TRAK2: variants seen among roughly 807,000 people sequenced by gnomAD.
TRAK2 encodes the protein trafficking kinesin protein 2, also known as trafficking kinesin-binding protein 2.
Under a neutral mutation model 104.6 loss-of-function variants are expected in TRAK2, and 81 were observed. The observed-to-expected ratio is 0.77, with a 90% CI of 0.65 to 0.93. The LOEUF is 0.93. TRAK2 is among the 40% of genes least tolerant of loss of function. TRAK2 has a pLI of 0.00. For missense variants in TRAK2, 1,002 were observed against 1,089.0 expected (o/e 0.92, Z 1.12); for synonymous variants, 406 against 394.4 (o/e 1.03, Z -0.35).
chr2:201,433,599 T>C (rs996836789), intron 1 of TRAK2: 1 of 152,180 alleles, frequency 6.6e-6, no homozygotes, highest in Non-Finnish European at 1.5e-5. Context: ...CCCTGTTTGT[T>C]TATAATGAAT....
At chr2:201,430,513 C>T (rs752875758) in intron 1 of TRAK2, among the ~76,000 whole-genome samples, 1 of 152,212 alleles carries the variant, frequency 6.6e-6, no homozygotes, top group African/African-American at 2.4e-5. Flanking sequence ...TTTACCTACT[C>T]AAGCTTCAGC....
At chr2:201,428,826 T>C (rs971691317) in intron 1 of TRAK2, among the ~76,000 whole-genome samples, 2 of 152,258 alleles carry the variant, frequency 1.3e-5, no homozygotes, top group African/African-American at 2.4e-5. Context: ...CATTTGTTTG[T>C]GTCCTCTTTT....
rs759328338 is a variant in TRAK2, at chr2:201,401,035, T to C, written c.346A>G (p.Thr116Ala). Residue 116 changes from threonine to alanine, a missense_variant, in exon 4 of 16, where the codon ACA (threonine) becomes GCA (alanine). Transcript: ENST00000332624. ...ATTCCTACCTCTGCCAGGAGATGTG[T>C]AACCATGTCGATGTCATTGTAAGTT... ...TKTYNDIDMVTHLLAERDRDL... is the reference protein window; with the variant it reads ...TKTYNDIDMVAHLLAERDRDL... 6.8e-6 allele frequency: 11 copies of C among 1,611,498 alleles called. No homozygotes were observed. In the African/African-American group the frequency reaches 1.5e-4, roughly 22 times the overall value.
chr2:201,381,057 A>T lies in TRAK2; in HGVS notation c.2231T>A (p.Leu744His). The T allele has an allele frequency of 6.2e-7, 1 of 1,614,088 alleles. No homozygotes were observed. The highest frequency in any genetic ancestry group is 8.5e-7 in the Non-Finnish European group (1 of 1,179,992). Residue 744 changes from leucine (L) to histidine (H), a missense_variant, in exon 16 of 16, where the codon CTT becomes CAT. Leu to His is a moderately conservative substitution (Grantham distance 99). Transcript: ENST00000332624. ...TFSSTMSLAK[L>H]LQERGISAKV... ...GGCAGAGATGCCTCGCTCTTGTAGA[A>T]GTTTGGCCAAGCTCATGGTGCTACT...
chr2:201,412,310 G>A (rs988714081), intron 2 of TRAK2: 12 of 1,287,412 alleles, frequency 9.3e-6, no homozygotes, highest in Non-Finnish European at 1.4e-5. Context: ...AAATATTGCA[G>A]TGTTACTGCA....
chr2:201,392,394 T>G (rs1243071435), intron 10 of TRAK2, among the ~76,000 whole-genome samples: 1 of 152,184 alleles, frequency 6.6e-6, no homozygotes, highest in Non-Finnish European at 1.5e-5. Context: ...AAACAACTCT[T>G]TGAACCAACA....
At position 201,420,577 on chromosome 2, in the gene TRAK2, A is replaced by C. The variant is rs974368823; in HGVS notation, c.-70T>G. 2.3e-5 allele frequency: 29 copies of C among 1,280,708 alleles called. No individual in the cohort carries two copies. Among genetic ancestry groups the C allele is most frequent in the Non-Finnish European group, 3.1e-5 (27 of 883,990 alleles). 79.3% of individuals were successfully genotyped at this position (1,280,708 alleles called of 1,614,324 possible). A position where few individuals can be genotyped will look rare whatever the true frequency, so the allele number is the denominator to read the frequency against. On this transcript the variant is annotated 5_prime_UTR_variant, in exon 2 of 16. Transcript: ENST00000332624. ...GAATCAGAGTAAAGGAAATCCATCA[A>C]GCCATTCAATAATGAAATGGATTTG... is the stretch of plus-strand genomic sequence containing the variant.
intron 2 of TRAK2, chr2:201,412,453 TAACTC>T: frequency 8.3e-7 from 1 of 1,199,486 alleles, no homozygotes; most frequent in Admixed American, 1.7e-5. Flanking sequence ...AGATCCTAAA[TAACTC>T]AACTGATCCA....
At chr2:201,432,745 T>C (rs768274359) in intron 1 of TRAK2, among the ~76,000 whole-genome samples, 43 of 152,216 alleles carry the variant, frequency 2.8e-4, no homozygotes, top group Admixed American at 5.9e-4. Flanking sequence ...AACAGCCTTA[T>C]TGAGAAGGCT....
chr2:201,386,391 G>A lies in TRAK2; in HGVS notation c.1790C>T (p.Thr597Ile), dbSNP rs775545580. Residue 597 changes from threonine to isoleucine, a missense_variant, in exon 14 of 16, where the codon ACC becomes ATC. Coordinates refer to ENST00000332624, the MANE Select transcript of TRAK2 (RefSeq NM_015049.3). ...ATAAATAGCATCCCCGGGCAACTGG[G>A]TAAAGCCTTTAGTAATGACACCTGG... ...PRPGVITKGF[T>I]QLPGDAIYHI... 4 of 1,614,168 alleles carry A rather than the reference G, an allele frequency of 2.5e-6. No homozygotes were observed. Among genetic ancestry groups the A allele is most frequent in the Non-Finnish European group, 1.7e-6 (2 of 1,180,026 alleles).
rs1417859011 is a variant in TRAK2 at position 201,411,212 on chromosome 2, G to A, written c.92-3615C>T. On this transcript the variant is annotated intron_variant, in intron 2 of 15. Coordinates refer to ENST00000332624, the MANE Select transcript of TRAK2 (RefSeq NM_015049.3). ...TCTGTTTAACAGCAGCAATAGGTGT[G>A]TACACTTGGGGTTTAAGAGGCTGCT... 4.2e-6 allele frequency: 3 copies of A among 718,568 alleles called. No homozygotes were observed. The African/African-American group carries it at 5.3e-5, about 13-fold the overall frequency. 44.5% of individuals were successfully genotyped at this position (718,568 alleles called of 1,614,324 possible). A position where few individuals can be genotyped will look rare whatever the true frequency, so the allele number is the denominator to read the frequency against.
At position 201,430,102 on chromosome 2, in the gene TRAK2, G is replaced by A. The variant is rs976040867; in HGVS notation, c.-199-9396C>T. 3.9e-5 allele frequency among the ~76,000 whole-genome samples: 6 copies of A among 152,310 alleles called. No individual in the cohort carries two copies. In the East Asian group the frequency reaches 5.8e-4, roughly 15 times the overall value. On this transcript the variant is annotated intron_variant, in intron 1 of 15. Transcript: ENST00000332624. The stretch of plus-strand genomic sequence containing the variant: ...AGTTTGCTGAAGGTCCACTCCAGAC[G>A]CTGTTTGCCTGGGTATCACCAGCGG...
In TRAK2 at chr2:201,387,614, T is replaced by A. The variant is rs1442763898; in HGVS notation, c.1696+89A>T. On this transcript the variant is annotated intron_variant, in intron 13 of 15. Coordinates refer to ENST00000332624, the MANE Select transcript of TRAK2 (RefSeq NM_015049.3). ...TAAAAAGATCATCTGCACATAATGT[T>A]CCTATAATTAAGACACAAATCTCAA... The A allele has an allele frequency of 3.8e-6, 5 of 1,313,228 alleles. No individual in the cohort carries two copies. The Admixed American group carries it at 6.8e-5, about 18-fold the overall frequency. The allele number at this position is 1,313,228 out of a possible 1,614,324, so 81.3% of individuals were successfully genotyped here.
At chr2:201,424,208 GA>G (rs1190808568) in intron 1 of TRAK2, among the ~76,000 whole-genome samples, 22 of 152,332 alleles carry the variant, frequency 1.4e-4, no homozygotes, top group Admixed American at 1.2e-3. Flanking sequence ...CTGGCTACCT[GA>G]GCAAAATCTG....
chr2:201,433,194 G>A (rs1168223139), intron 1 of TRAK2, among the ~76,000 whole-genome samples: 1 of 152,146 alleles, frequency 6.6e-6, no homozygotes, highest in Admixed American at 6.5e-5. Flanking sequence ...AAAAAGGCGG[G>A]AGGAGCATCA....
intron 2 of TRAK2, among the ~76,000 whole-genome samples, chr2:201,408,516 T>C (rs1202268262): frequency 6.6e-6 from 1 of 152,186 alleles, no homozygotes; most frequent in Non-Finnish European, 1.5e-5. Flanking sequence ...GTTGTTCCTG[T>C]CTTTATAACT....
chr2:201,411,075 C>G (rs1270132590), intron 2 of TRAK2: 6 of 1,166,100 alleles, frequency 5.1e-6, no homozygotes, highest in Non-Finnish European at 7.7e-6. Context: ...CATGTCAATG[C>G]CCATGGAAGG....
chr2:201,436,334 T>G (rs967435240), intron 1 of TRAK2, among the ~76,000 whole-genome samples: 1 of 152,162 alleles, frequency 6.6e-6, no homozygotes, highest in South Asian at 2.1e-4. Flanking sequence ...AATAAATCCT[T>G]CCTGAACAAG....
rs552424935 is a variant in TRAK2 at position 201,381,575 on chromosome 2, T to G, written c.2070-357A>C. On this transcript the variant is annotated intron_variant, in intron 15 of 15. Coordinates refer to ENST00000332624, the MANE Select transcript of TRAK2 (RefSeq NM_015049.3). ...ATTTTATGATAGAAGGCAAAGAAAT[T>G]TGAAGATTAAGGAAAGTAATTTAGA... Among the ~76,000 whole-genome samples the G allele has an allele frequency of 9.3e-4, 141 of 152,260 alleles. 1 individual carries two copies. Among genetic ancestry groups the G allele is most frequent in the Non-Finnish European group, 1.6e-3 (109 of 67,994 alleles).
Sources: allele counts gnomAD v4.1 joint callset (sites outside exome capture counted in the v4.1 genomes callset), GRCh38; gene constraint gnomAD v4.1.1; transcripts MANE v1.5; gene names NCBI Gene and HGNC (gene_info 2026-07-23, HGNC 2026-07-21).